Variants in ATG7 observed in about 807,000 individuals in gnomAD.
The protein encoded by ATG7 is autophagy related 7.
ATG7 carries 70 observed loss-of-function variants against 82.4 expected under a neutral mutation model. The observed-to-expected ratio is 0.85, with a 90% CI of 0.70 to 1.04. The LOEUF (loss-of-function observed/expected upper bound fraction) is 1.04. Among genes scored for constraint, ATG7 ranks in the 50% least tolerant of loss-of-function variants. The pLI is 0.00. For missense variants in ATG7, 792 were observed against 864.3 expected (o/e 0.92, Z 1.05); for synonymous variants, 287 against 313.0 (o/e 0.92, Z 0.88).
At chr3:11,486,955 G>C (rs867260383) in intron 20 of ATG7, among the ~76,000 whole-genome samples, 1 of 151,492 alleles carries the variant, frequency 6.6e-6, no homozygotes, top group African/African-American at 2.4e-5. Flanking sequence ...AAAGGTCTTT[G>C]GTTTTCCTAG....
At chr3:11,574,785 A>ATATGTGTGTGTGTGTGTG in the ATG7 span, among the ~76,000 whole-genome samples, 15 of 121,698 alleles carry the variant, frequency 1.2e-4, no homozygotes, top group African/African-American at 4.5e-4. Flanking sequence ...TCAACTATAT[A>ATATGTGTGTGTGTGTGTG]TGTGTGTGTG....
At chr3:11,342,822 A>C (rs1953871775) in intron 13 of ATG7, among the ~76,000 whole-genome samples, 1 of 151,464 alleles carries the variant, frequency 6.6e-6, no homozygotes, top group South Asian at 2.1e-4. Flanking sequence ...TTGTATGTTT[A>C]TATATCCATA....
Position 11,360,745 on chromosome 3 carries a change from T to A in ATG7, c.1644T>A (p.Leu548=). The A allele has an allele frequency of 1.2e-6, 2 of 1,614,212 alleles. No individual in the cohort carries two copies. Among genetic ancestry groups the A allele is most frequent in the South Asian group, 1.1e-5 (1 of 91,090 alleles). ...SLFANIPGYK[L]GCYFCNDVVA... is the part of the protein sequence containing the mutation. ...TTGCCAACATCCCTGGTTACAAGCTTGGCTGCTACTTCTGCAATGATGTGG... is the reference window on the plus strand; with the variant it reads ...TTGCCAACATCCCTGGTTACAAGCTAGGCTGCTACTTCTGCAATGATGTGG... Residue 548 remains leucine (L), a synonymous_variant, in exon 16 of 21, where the codon CTT becomes CTA. Coordinates refer to ENST00000693202, the MANE Select transcript of ATG7 (RefSeq NM_001349232.2).
intron 9 of ATG7, among the ~76,000 whole-genome samples, chr3:11,320,324 T>C (rs185655668): frequency 9.1e-4 from 138 of 152,178 alleles, no homozygotes; most frequent in Non-Finnish European, 1.5e-3. Context: ...TCACTCTTTG[T>C]TGCCCAGGCT....
intron 19 of ATG7, among the ~76,000 whole-genome samples, chr3:11,417,349 T>A (rs1351502084): frequency 6.6e-6 from 1 of 152,218 alleles, no homozygotes; most frequent in Non-Finnish European, 1.5e-5. Context: ...TGTATTTTGA[T>A]GCACTGTTGT....
chr3:11,453,198 A>G (rs2085365430), intron 20 of ATG7, among the ~76,000 whole-genome samples: 1 of 152,194 alleles, frequency 6.6e-6, no homozygotes, highest in Admixed American at 6.5e-5. Context: ...CAGGTGGAGA[A>G]CAGACGGGGG....
At chr3:11,570,369 C>T in the ATG7 span, among the ~76,000 whole-genome samples, 1 of 152,146 alleles carries the variant, frequency 6.6e-6, no homozygotes, top group African/African-American at 2.4e-5. Flanking sequence ...GCGGAGATGC[C>T]GGCCACCAAG....
chr3:11,299,203 AT>A (rs1946409672), intron 4 of ATG7, 158 bp from the exon 5 acceptor site: 1 of 653,726 alleles, frequency 1.5e-6, no homozygotes, highest in African/African-American at 1.8e-5. Flanking sequence ...TCTGCCATTT[AT>A]CTATCCATAC....
At chr3:11,498,646 G>C (rs995479610) in intron 20 of ATG7, among the ~76,000 whole-genome samples, 1 of 152,204 alleles carries the variant, frequency 6.6e-6, no homozygotes, top group African/African-American at 2.4e-5. Flanking sequence ...GGCCAGACTG[G>C]TGAGGCCAGG....
intron 20 of ATG7, among the ~76,000 whole-genome samples, chr3:11,554,073 G>A (rs1435687885): frequency 6.6e-6 from 1 of 152,206 alleles, no homozygotes; most frequent in Non-Finnish European, 1.5e-5. Flanking sequence ...AAGGACTGCA[G>A]GGAATGAATG....
At chr3:11,339,406 C>T (rs1179816854) in intron 11 of ATG7, among the ~76,000 whole-genome samples, 5 of 152,064 alleles carry the variant, frequency 3.3e-5, no homozygotes, top group South Asian at 2.1e-4. Flanking sequence ...GTTTCTCTTC[C>T]TGCAGAGTCT....
At chr3:11,281,477 T>C (rs946601092) in intron 2 of ATG7, among the ~76,000 whole-genome samples, 1 of 152,110 alleles carries the variant, frequency 6.6e-6, no homozygotes, top group Non-Finnish European at 1.5e-5. Context: ...TTTATTCTTA[T>C]CTTTGAAAAA....
chr3:11,300,056 C>G (rs1167189017), intron 5 of ATG7, among the ~76,000 whole-genome samples: 1 of 151,996 alleles, frequency 6.6e-6, no homozygotes, highest in African/African-American at 2.4e-5. Flanking sequence ...TCCCAAGTAG[C>G]TGGGACTACA....
intron 20 of ATG7, among the ~76,000 whole-genome samples, chr3:11,478,989 A>AACACACACAGAC (rs766632953): frequency 1.4e-5 from 1 of 73,134 alleles, no homozygotes; most frequent in Non-Finnish European, 2.4e-5. Context: ...GTATATTTAC[A>AACACACACAGAC]ACACACACAC....
intron 13 of ATG7, 106 bp downstream of exon 13, chr3:11,342,385 T>C: frequency 7.5e-7 from 1 of 1,336,392 alleles, no homozygotes; most frequent in Non-Finnish European, 1.0e-6. Context: ...ATCCCCTCCA[T>C]CTCTCCCTCC....
chr3:11,315,382 A>G lies in ATG7; in HGVS notation c.567A>G (p.Gln189=). ...ALECAYDNLC[Q]TEGVTALPYF... is the part of the protein sequence containing the mutation. ...AGTGTGCATATGATAATCTTTGTCA[A>G]ACAGAAGGAGTCACAGCTCTTCCTT... is the stretch of plus-strand genomic sequence containing the variant. Residue 189 remains glutamine (Q), a synonymous_variant, in exon 9 of 21, where the codon CAA becomes CAG. Transcript: ENST00000693202. The G allele has an allele frequency of 6.2e-7, 1 of 1,609,190 alleles. No individual in the cohort carries two copies. The highest frequency in any genetic ancestry group is 8.5e-7 in the Non-Finnish European group (1 of 1,178,362).
intron 3 of ATG7, among the ~76,000 whole-genome samples, chr3:11,288,196 C>T (rs1228076977): frequency 4.6e-5 from 7 of 152,212 alleles, no homozygotes; most frequent in African/African-American, 1.4e-4. Context: ...TATGCTTGAA[C>T]ACTTCTGCTA....
intron 20 of ATG7, among the ~76,000 whole-genome samples, chr3:11,489,629 C>T (rs554268959): frequency 0.011 from 1,590 of 144,474 alleles, 26 homozygotes; most frequent in African/African-American, 0.038. Context: ...TATAAATTTC[C>T]CTCTACACAC....
intron 20 of ATG7, among the ~76,000 whole-genome samples, chr3:11,531,019 C>G (rs2092683972): frequency 6.6e-6 from 1 of 152,166 alleles, no homozygotes; most frequent in African/African-American, 2.4e-5. Context: ...GCCTTCCTCA[C>G]TCACCGTGGT....
Sources: allele counts gnomAD v4.1 joint callset (sites outside exome capture counted in the v4.1 genomes callset), GRCh38; gene constraint gnomAD v4.1.1; transcripts MANE v1.5; gene names NCBI Gene and HGNC (gene_info 2026-07-23, HGNC 2026-07-21).